The following SGCG variants were observed in gnomAD, a reference collection of about 807,000 sequenced individuals.
The protein encoded by SGCG is gamma-sarcoglycan.
In SGCG, 26 loss-of-function variants were observed where a neutral mutation model predicts 29.3. That is an observed-to-expected ratio of 0.89 (90% confidence interval 0.65 to 1.23). The LOEUF is 1.23. SGCG is among the 50% of genes most tolerant of loss of function. SGCG has a pLI of 0.00. For synonymous variants in SGCG, 145 were observed against 129.7 expected (o/e 1.12, Z -0.80); for missense variants, 353 against 356.0 (o/e 0.99, Z 0.07).
chr13:23,213,615 C>T (rs189375928), intron 2 of SGCG, among the ~76,000 whole-genome samples: 9 of 152,264 alleles, frequency 5.9e-5, no homozygotes, highest in East Asian at 3.8e-4. Flanking sequence ...TTTCTGGGAG[C>T]GTGTTATGAA....
intron 4 of SGCG, among the ~76,000 whole-genome samples, chr13:23,276,628 T>C (rs1250966257): frequency 6.6e-6 from 1 of 152,190 alleles, no homozygotes; most frequent in African/African-American, 2.4e-5. Flanking sequence ...AAACGGGGTT[T>C]CACCGTGTTG....
At chr13:23,299,961 A>C (rs562017287) in intron 6 of SGCG, among the ~76,000 whole-genome samples, 1 of 152,342 alleles carries the variant, frequency 6.6e-6, no homozygotes, top group East Asian at 1.9e-4. Context: ...AGAAACTTGC[A>C]AACAAGTTAG....
At chr13:23,278,443 CA>C (rs35645325) in intron 4 of SGCG, among the ~76,000 whole-genome samples, 12,695 of 129,448 alleles carry the variant, frequency 0.098, 858 homozygotes, top group East Asian at 0.39. Context: ...AACTCTGTCT[CA>C]AAAAAAAAAA....
intron 2 of SGCG, among the ~76,000 whole-genome samples, chr13:23,227,812 G>C (rs537266745): frequency 6.6e-6 from 1 of 152,072 alleles, no homozygotes; most frequent in African/African-American, 2.4e-5. Flanking sequence ...CATTAGTATT[G>C]TTATTTATTA....
chr13:23,299,590 T>C (rs9552916), intron 6 of SGCG, among the ~76,000 whole-genome samples: 82,306 of 147,662 alleles, frequency 0.56, 24,100 homozygotes, highest in East Asian at 0.85. Flanking sequence ...GTAGCTGAGA[T>C]GACAGGTGCC....
intron 2 of SGCG, 54 bp downstream of exon 2, chr13:23,203,943 T>A: frequency 8.2e-7 from 1 of 1,224,052 alleles, no homozygotes; most frequent in Non-Finnish European, 1.2e-6. Context: ...ACTGTATCAC[T>A]TAGTCTGTAT....
chr13:23,255,731 T>C (rs1300785249), intron 4 of SGCG, among the ~76,000 whole-genome samples: 1 of 152,044 alleles, frequency 6.6e-6, no homozygotes, highest in Non-Finnish European at 1.5e-5. Flanking sequence ...GTTTTAAGGG[T>C]TTTTTTCCAA....
the SGCG span, among the ~76,000 whole-genome samples, chr13:23,175,857 T>A: frequency 6.6e-6 from 1 of 152,158 alleles, no homozygotes; most frequent in Non-Finnish European, 1.5e-5. Flanking sequence ...GTTCACTGTG[T>A]GATTCCTATT....
At chr13:23,306,060 T>C (rs1242091425) in intron 6 of SGCG, among the ~76,000 whole-genome samples, 1 of 152,128 alleles carries the variant, frequency 6.6e-6, no homozygotes, top group East Asian at 1.9e-4. Flanking sequence ...AGACAGGGTC[T>C]TGCTGTGTTG....
chr13:23,194,977 T>C (rs573254413), intron 1 of SGCG, among the ~76,000 whole-genome samples: 36 of 152,316 alleles, frequency 2.4e-4, no homozygotes, highest in African/African-American at 7.9e-4. Context: ...CTCCATATAG[T>C]TCTTTGTTAA....
At chr13:23,248,127 T>TA (rs553926208) in intron 3 of SGCG, among the ~76,000 whole-genome samples, 1 of 150,918 alleles carries the variant, frequency 6.6e-6, no homozygotes, top group Non-Finnish European at 1.5e-5. Context: ...ATTTTTTAAA[T>TA]AAAAAATGTA....
At chr13:23,317,971 G>C (rs369910510) in intron 6 of SGCG, among the ~76,000 whole-genome samples, 44 of 152,278 alleles carry the variant, frequency 2.9e-4, no homozygotes, top group African/African-American at 9.6e-4. Context: ...CATCTAATCA[G>C]TGGCCAGCAA....
At chr13:23,177,729 G>C (rs111460361), upstream of SGCG, among the ~76,000 whole-genome samples, 8 of 104,258 alleles carry the variant, frequency 7.7e-5, no homozygotes, top group African/African-American at 3.0e-4. Flanking sequence ...CTGCCACCAT[G>C]TCCGGCTATT....
At chr13:23,324,345 G>T in intron 7 of SGCG, 23 bp from the exon 8 acceptor site, 1 of 1,613,538 alleles carries the variant, frequency 6.2e-7, no homozygotes, top group Non-Finnish European at 8.5e-7. Context: ...TTAACTCTTC[G>T]TCTCTCATCT....
chr13:23,196,684 A>T (rs543254070), intron 1 of SGCG, among the ~76,000 whole-genome samples: 1 of 152,222 alleles, frequency 6.6e-6, no homozygotes, highest in African/African-American at 2.4e-5. Context: ...TCCTATCTTT[A>T]AGGCAAATAC....
intron 5 of SGCG, among the ~76,000 whole-genome samples, chr13:23,284,640 G>T (rs1055299249): frequency 1.3e-5 from 2 of 152,142 alleles, no homozygotes; most frequent in Non-Finnish European, 2.9e-5. Context: ...GTCCAGTTTT[G>T]TTCCCTTGCT....
At chr13:23,313,522 C>T (rs1051378588) in intron 6 of SGCG, among the ~76,000 whole-genome samples, 7 of 152,086 alleles carry the variant, frequency 4.6e-5, no homozygotes, top group Non-Finnish European at 8.8e-5. Flanking sequence ...TAAGGTCATA[C>T]ATGTTTGACT....
Position 23,295,410 on chromosome 13 carries a change from T to C in SGCG, c.506-5T>C. 1 of 1,612,148 alleles carries C rather than the reference T, an allele frequency of 6.2e-7. No individual in the cohort carries two copies. Among genetic ancestry groups the C allele is most frequent in the Non-Finnish European group, 8.5e-7 (1 of 1,178,154 alleles). ...GCTCCTGATACATCTTTGTTTTTTGTTTAGGGCCTGAAGGGGCTCTTTTTG... is the reference window on the plus strand; with the variant it reads ...GCTCCTGATACATCTTTGTTTTTTGCTTAGGGCCTGAAGGGGCTCTTTTTG... On this transcript the variant is annotated splice_polypyrimidine_tract_variant and splice_region_variant and intron_variant, in intron 5 of 7. Coordinates refer to ENST00000218867, the MANE Select transcript of SGCG (RefSeq NM_000231.3).
rs1877968914 is a variant in SGCG at position 23,206,040 on chromosome 13, T to C, written c.195+2151T>C. 2.0e-5 allele frequency among the ~76,000 whole-genome samples: 3 copies of C among 152,238 alleles called. No homozygotes were observed. In the South Asian group the frequency reaches 6.2e-4, roughly 32 times the overall value. The stretch of plus-strand genomic sequence containing the variant: ...TTACCTTAGGTGCATGAGTTTGATT[T>C]CTTACTTTTGTAATTATCCTATATG... On this transcript the variant is annotated intron_variant, in intron 2 of 7. Coordinates refer to ENST00000218867, the MANE Select transcript of SGCG (RefSeq NM_000231.3).
Sources: gnomAD v4.1 joint callset for allele counts (sites outside exome capture counted in the v4.1 genomes callset) on GRCh38, gnomAD v4.1.1 for gene constraint, MANE v1.5 for transcripts, NCBI Gene and HGNC (gene_info 2026-07-23, HGNC 2026-07-21) for gene names.